MOCOS: variants seen among roughly 807,000 people sequenced by gnomAD.
MOCOS encodes human molybdenum cofactor sulfurase.
A neutral mutation model predicts 83.6 loss-of-function variants in MOCOS; 86 were observed. The observed-to-expected ratio is 1.03, with a 90% CI of 0.86 to 1.23. The LOEUF is 1.23. Ranked by LOEUF, MOCOS falls within the 50% of genes most tolerant of loss-of-function variation. The probability of loss-of-function intolerance (pLI) is 0.00; values close to 1 mark genes in which losing one functional copy is unlikely to be tolerated. For missense variants in MOCOS, 1,120 were observed against 1,126.9 expected (o/e 0.99, Z 0.09); for synonymous variants, 445 against 434.7 (o/e 1.02, Z -0.29).
intron 6 of MOCOS, among the ~76,000 whole-genome samples, chr18:36,212,489 G>C (rs1294898052): frequency 6.6e-6 from 1 of 152,174 alleles, no homozygotes; most frequent in Non-Finnish European, 1.5e-5. Context: ...TCACCTTAGA[G>C]CTGGGAAACT....
At chr18:36,260,259 T>C in intron 13 of MOCOS, 84 bp downstream of exon 13, 1 of 1,567,392 alleles carries the variant, frequency 6.4e-7, no homozygotes, top group Non-Finnish European at 8.8e-7. Context: ...TAGCTGCAGG[T>C]GGGACTCCCT....
intron 9 of MOCOS, among the ~76,000 whole-genome samples, chr18:36,238,809 TG>T (rs2091569629): frequency 8.0e-6 from 1 of 124,796 alleles, no homozygotes; most frequent in African/African-American, 2.8e-5. Flanking sequence ...TTTATGAATC[TG>T]GGTGCTCCTG....
chr18:36,240,832 G>A lies in MOCOS; in HGVS notation c.1961-8090G>A, dbSNP rs191093647. 3.8e-3 allele frequency among the ~76,000 whole-genome samples: 572 copies of A among 152,300 alleles called. 1 individual carries two copies. The highest frequency in any genetic ancestry group is 5.3e-3 in the Non-Finnish European group (358 of 68,026). ...CGAGCCAGGTGCAGGATATAATCTCGTGGTGCGCCGTTTTTTAAGCCCATC... is the reference window on the plus strand; with the variant it reads ...CGAGCCAGGTGCAGGATATAATCTCATGGTGCGCCGTTTTTTAAGCCCATC... On this transcript the variant is annotated intron_variant, in intron 9 of 14. Coordinates refer to ENST00000261326, the MANE Select transcript of MOCOS (RefSeq NM_017947.4).
intron 11 of MOCOS, among the ~76,000 whole-genome samples, chr18:36,252,617 G>C (rs2144142108): frequency 6.6e-6 from 1 of 152,244 alleles, no homozygotes; most frequent in East Asian, 1.9e-4. Flanking sequence ...CCAGCTGCTT[G>C]GGAGACTGAG....
rs766523612 is a variant in MOCOS at position 36,213,445 on chromosome 18, T to C, written c.1298T>C (p.Leu433Pro). The change falls in exon 7 of 15, where the codon CTG becomes CCG. Residue 433 changes from leucine to proline, a missense_variant. By Grantham distance (98) the Leu-to-Pro change is moderately conservative. Coordinates refer to ENST00000261326, the MANE Select transcript of MOCOS (RefSeq NM_017947.4). ...AACACTGGGGCCTGCCAGAGGCACCTGGGCATAAGCAACGAGATGGTCAGG... is the reference window on the plus strand; with the variant it reads ...AACACTGGGGCCTGCCAGAGGCACCCGGGCATAAGCAACGAGATGGTCAGG... ...FCNTGACQRH[L>P]GISNEMVRKH... 2.5e-6 allele frequency: 4 copies of C among 1,614,034 alleles called. No individual in the cohort carries two copies. Among genetic ancestry groups the C allele is most frequent in the Non-Finnish European group, 2.5e-6 (3 of 1,180,014 alleles).
chr18:36,238,462 C>A lies in MOCOS; in HGVS notation c.1961-10460C>A, dbSNP rs1403163554. Among the ~76,000 whole-genome samples, 357 of 149,248 alleles carry A rather than the reference C, an allele frequency of 2.4e-3. 2 individuals are homozygous for A. Among genetic ancestry groups the A allele is most frequent in the African/African-American group, 8.1e-3 (330 of 40,978 alleles). On this transcript the variant is annotated intron_variant, in intron 9 of 14. Transcript: ENST00000261326. ...AGCGGTTTTGAGTGAGATTCTTAATCCTGAGTTCTAGTTTGATTGCACTGT... is the reference window on the plus strand; with the variant it reads ...AGCGGTTTTGAGTGAGATTCTTAATACTGAGTTCTAGTTTGATTGCACTGT...
intron 9 of MOCOS, among the ~76,000 whole-genome samples, chr18:36,240,654 G>A (rs1395707392): frequency 1.3e-5 from 2 of 152,110 alleles, no homozygotes; most frequent in South Asian, 2.1e-4. Context: ...GAGCTGTGGT[G>A]GGCTCCACCC....
chr18:36,191,524 G>A (rs1417629426), intron 1 of MOCOS, among the ~76,000 whole-genome samples: 3 of 152,206 alleles, frequency 2.0e-5, no homozygotes, highest in Non-Finnish European at 2.9e-5. Context: ...GCTCACTGCC[G>A]CCTTGACCTC....
intron 9 of MOCOS, among the ~76,000 whole-genome samples, chr18:36,240,307 G>GT (rs1242999259): frequency 9.6e-5 from 12 of 125,548 alleles, no homozygotes; most frequent in Non-Finnish European, 2.0e-4. Context: ...GTACAGATGG[G>GT]TTTTTGGTGT....
chr18:36,262,643 C>A (rs1274384245), intron 13 of MOCOS, among the ~76,000 whole-genome samples: 1 of 152,188 alleles, frequency 6.6e-6, no homozygotes, highest in Admixed American at 6.5e-5. Context: ...GGACTACAGG[C>A]GTGCACCACC....
In MOCOS at chr18:36,271,186, T is replaced by A. The variant is rs111798912; in HGVS notation, c.*2501T>A. On this transcript the variant is annotated 3_prime_UTR_variant, in exon 15 of 15. Coordinates refer to ENST00000261326, the MANE Select transcript of MOCOS (RefSeq NM_017947.4). ...TTTACAGCACTATTATTTGGTTATC[T>A]ACTTATAATTACTGATTTAACATTG... The A allele has an allele frequency of 2.8e-4, 43 of 152,218 alleles. 1 individual carries two copies. The highest frequency in any genetic ancestry group is 1.0e-3 in the African/African-American group (42 of 41,526). 9.4% of individuals were successfully genotyped at this position (152,218 alleles called of 1,614,324 possible).
chr18:36,219,967 C>G, intron 8 of MOCOS, 88 bp from the exon 9 acceptor site: 1 of 1,518,164 alleles, frequency 6.6e-7, no homozygotes. Flanking sequence ...TTCATGAAGT[C>G]TATCTGTGTT....
chr18:36,202,258 T>A lies in MOCOS; in HGVS notation c.942-855T>A, dbSNP rs74331611. Reference sequence around the variant, plus strand: ...ATCCCTTGACAGAAACAAAAAACTTTTATTTTAAGAAATCTATTAAGTATT... The same window carrying A: ...ATCCCTTGACAGAAACAAAAAACTTATATTTTAAGAAATCTATTAAGTATT... On this transcript the variant is annotated intron_variant, in intron 4 of 14. Transcript: ENST00000261326. 2.6e-3 allele frequency among the ~76,000 whole-genome samples: 398 copies of A among 151,874 alleles called. 1 individual carries two copies. Among genetic ancestry groups the A allele is most frequent in the African/African-American group, 9.2e-3 (380 of 41,352 alleles).
At chr18:36,237,139 A>G (rs58175300) in intron 9 of MOCOS, among the ~76,000 whole-genome samples, 59,109 of 135,018 alleles carry the variant, frequency 0.44, 13,208 homozygotes, top group African/African-American at 0.55. Flanking sequence ...TCTCCTGCCT[A>G]ATTGCCCTGG....
At chr18:36,244,666 T>C (rs1345449527) in intron 9 of MOCOS, among the ~76,000 whole-genome samples, 1 of 152,148 alleles carries the variant, frequency 6.6e-6, no homozygotes, top group African/African-American at 2.4e-5. Flanking sequence ...TTAAGTCCAT[T>C]GATTCTTTGT....
intron 11 of MOCOS, among the ~76,000 whole-genome samples, chr18:36,252,647 C>T (rs1466596660): frequency 6.6e-6 from 1 of 152,086 alleles, no homozygotes; most frequent in East Asian, 1.9e-4. Context: ...TCTTTTGAAC[C>T]CAGGAGTTCG....
chr18:36,257,152 C>A (rs867784250), intron 12 of MOCOS, 79 bp downstream of exon 12: 1 of 1,239,680 alleles, frequency 8.1e-7, no homozygotes. Flanking sequence ...CTGCCTGGAG[C>A]GGAGAGATCT....
rs1223449727 is a variant in MOCOS at position 36,218,827 on chromosome 18, CTTTAT to C, written c.1798-1215_1798-1211del. On this transcript the variant is annotated intron_variant, in intron 8 of 14. Transcript: ENST00000261326. ...AAGCCACTGCGCCCAGCTCTACTCA[CTTTAT>C]TTTATTTTATTTATTTATTTATTTA... 3.1e-3 allele frequency among the ~76,000 whole-genome samples: 453 copies of C among 144,642 alleles called. 2 individuals are homozygous for C. Among genetic ancestry groups the C allele is most frequent in the African/African-American group, 0.011 (417 of 39,086 alleles). The allele number at this position is 144,642 out of a possible 152,430, so 94.9% of individuals were successfully genotyped here.
intron 8 of MOCOS, among the ~76,000 whole-genome samples, chr18:36,218,859 T>TTATG (rs1288142703): frequency 1.4e-4 from 20 of 148,092 alleles, no homozygotes; most frequent in Non-Finnish European, 2.7e-4. Flanking sequence ...ATTTATTTAT[T>TTATG]TATTTATTTA....
Sources: gnomAD v4.1 joint callset for allele counts (sites outside exome capture counted in the v4.1 genomes callset) on GRCh38, gnomAD v4.1.1 for gene constraint, MANE v1.5 for transcripts, NCBI Gene and HGNC (gene_info 2026-07-23, HGNC 2026-07-21) for gene names.